The following LHFPL3 variants were observed in gnomAD, a reference collection of about 807,000 sequenced individuals.
The protein encoded by LHFPL3 is LHFPL tetraspan subfamily member 3, also known as LHFPL tetraspan subfamily member 3 protein.
Under a neutral mutation model 19.3 loss-of-function variants are expected in LHFPL3, and 5 were observed. The observed-to-expected ratio is 0.26, with a 90% CI of 0.14 to 0.54. The LOEUF is 0.54. Ranked by LOEUF, LHFPL3 falls within the 20% of genes least tolerant of loss-of-function variation. LHFPL3 has a pLI of 0.94. For synonymous variants in LHFPL3, 133 were observed against 126.2 expected (o/e 1.05, Z -0.36); for missense variants, 249 against 307.4 (o/e 0.81, Z 1.42).
At chr7:104,840,406 AAGCCTC>A (rs766849026) in intron 2 of LHFPL3, among the ~76,000 whole-genome samples, 1 of 145,732 alleles carries the variant, frequency 6.9e-6, no homozygotes, top group African/African-American at 2.5e-5. Flanking sequence ...CCTCAGGTTC[AAGCCTC>A]AGCCTCAGCC....
At chr7:104,382,884 G>T (rs1468144) in intron 1 of LHFPL3, among the ~76,000 whole-genome samples, 51,780 of 151,906 alleles carry the variant, frequency 0.34, 9,175 homozygotes, top group Admixed American at 0.49. Flanking sequence ...TTATGGCTCA[G>T]TTTTCTCATC....
intron 2 of LHFPL3, chr7:104,896,157 A>T (rs1481140946): frequency 1.3e-5 from 2 of 152,222 alleles, no homozygotes; most frequent in Non-Finnish European, 2.9e-5. Context: ...CTCCAAATAC[A>T]GTCGTATTGG....
At chr7:104,740,476 G>C (rs960340629) in intron 2 of LHFPL3, among the ~76,000 whole-genome samples, 1 of 152,130 alleles carries the variant, frequency 6.6e-6, no homozygotes, top group Admixed American at 6.5e-5. Context: ...ATCTGGAAAG[G>C]CCACTGTATT....
At chr7:104,680,851 A>G (rs1792681193) in intron 1 of LHFPL3, among the ~76,000 whole-genome samples, 1 of 152,210 alleles carries the variant, frequency 6.6e-6, no homozygotes. Flanking sequence ...AATCCTACTT[A>G]AGGATAAAAA....
intron 1 of LHFPL3, among the ~76,000 whole-genome samples, chr7:104,688,139 TATA>T (rs1792841186): frequency 6.6e-6 from 1 of 152,218 alleles, no homozygotes; most frequent in African/African-American, 2.4e-5. Flanking sequence ...TGGTTCTATA[TATA>T]ATACCTTTGA....
chr7:104,852,757 G>A (rs938904605), intron 2 of LHFPL3, among the ~76,000 whole-genome samples: 1 of 152,242 alleles, frequency 6.6e-6, no homozygotes, highest in Non-Finnish European at 1.5e-5. Flanking sequence ...TGTTTTGTAA[G>A]TGAACTCTGA....
chr7:104,421,834 G>A (rs1489610528), intron 1 of LHFPL3, among the ~76,000 whole-genome samples: 2 of 152,180 alleles, frequency 1.3e-5, no homozygotes, highest in Admixed American at 1.3e-4. Context: ...AACTTCCAAT[G>A]TGATGGTGTT....
intron 2 of LHFPL3, among the ~76,000 whole-genome samples, chr7:104,858,505 C>A (rs955634073): frequency 1.3e-5 from 2 of 152,154 alleles, no homozygotes; most frequent in Admixed American, 1.3e-4. Context: ...CTTGGTACCT[C>A]TTTCATTTCT....
intron 1 of LHFPL3, among the ~76,000 whole-genome samples, chr7:104,569,783 G>A (rs2115983642): frequency 6.6e-6 from 1 of 152,230 alleles, no homozygotes; most frequent in East Asian, 1.9e-4. Context: ...ACAAAACTGG[G>A]ACTTAGTAAT....
chr7:104,458,431 T>G (rs545412064), intron 1 of LHFPL3, among the ~76,000 whole-genome samples: 4 of 152,152 alleles, frequency 2.6e-5, no homozygotes, highest in African/African-American at 9.7e-5. Context: ...GTTGTAGATA[T>G]GCGGTGTTAT....
intron 1 of LHFPL3, among the ~76,000 whole-genome samples, chr7:104,527,487 G>A (rs1256716164): frequency 6.6e-6 from 1 of 152,166 alleles, no homozygotes; most frequent in Non-Finnish European, 1.5e-5. Context: ...TGGAGACCAA[G>A]GGGAACAGAG....
At chr7:104,740,868 T>C (rs1341761038) in intron 2 of LHFPL3, among the ~76,000 whole-genome samples, 3 of 152,174 alleles carry the variant, frequency 2.0e-5, no homozygotes, top group Non-Finnish European at 2.9e-5. Flanking sequence ...CTAAGTGTCA[T>C]TGCAGCAAGG....
At chr7:104,344,299 G>C (rs1364332749) in intron 1 of LHFPL3, among the ~76,000 whole-genome samples, 1 of 151,974 alleles carries the variant, frequency 6.6e-6, no homozygotes, top group African/African-American at 2.4e-5. Context: ...GGTGCAAATG[G>C]TTGTTGGTAA....
intron 1 of LHFPL3, among the ~76,000 whole-genome samples, chr7:104,350,209 C>T (rs1322725844): frequency 6.6e-6 from 1 of 152,078 alleles, no homozygotes; most frequent in Non-Finnish European, 1.5e-5. Flanking sequence ...ATTAAAAGTT[C>T]GCCTTCTTAG....
chr7:104,566,087 C>A (rs1225531124), intron 1 of LHFPL3, among the ~76,000 whole-genome samples: 1 of 152,072 alleles, frequency 6.6e-6, no homozygotes, highest in Non-Finnish European at 1.5e-5. Context: ...ATGGCTCATA[C>A]CTGTAATCCC....
chr7:104,516,844 G>T (rs762506504), intron 1 of LHFPL3, among the ~76,000 whole-genome samples: 1 of 152,024 alleles, frequency 6.6e-6, no homozygotes. Context: ...ACACATGCAC[G>T]TGTATATTCA....
At chr7:104,374,871 G>A (rs903465419) in intron 1 of LHFPL3, among the ~76,000 whole-genome samples, 10 of 152,140 alleles carry the variant, frequency 6.6e-5, no homozygotes, top group African/African-American at 2.2e-4. Context: ...TGGCAAGCAT[G>A]GAATTATTAT....
chr7:104,550,130 G>C (rs748088820), intron 1 of LHFPL3, among the ~76,000 whole-genome samples: 6 of 152,046 alleles, frequency 3.9e-5, no homozygotes, highest in Non-Finnish European at 7.4e-5. Context: ...TTTTTGCTTG[G>C]AGAAGGTCAG....
At chr7:104,350,194 A>G (rs917233333) in intron 1 of LHFPL3, among the ~76,000 whole-genome samples, 4 of 152,208 alleles carry the variant, frequency 2.6e-5, no homozygotes, top group African/African-American at 9.6e-5. Flanking sequence ...TTTAAATGAA[A>G]TGAAATTAAA....
Sources: allele counts gnomAD v4.1 joint callset (sites outside exome capture counted in the v4.1 genomes callset), GRCh38; gene constraint gnomAD v4.1.1; transcripts MANE v1.5; gene names NCBI Gene and HGNC (gene_info 2026-07-23, HGNC 2026-07-21).